Variants in TTC17 observed in about 807,000 individuals in gnomAD.
The protein encoded by TTC17 is tetratricopeptide repeat protein 17.
Under a neutral mutation model 143.8 loss-of-function variants are expected in TTC17, and 58 were observed. The observed-to-expected ratio is 0.40, with a 90% CI of 0.33 to 0.50. The LOEUF (loss-of-function observed/expected upper bound fraction) is 0.50, where lower values mean the gene tolerates loss of function less well. Among genes scored for constraint, TTC17 ranks in the 20% least tolerant of loss-of-function variants. TTC17 has a pLI of 0.49. For synonymous variants in TTC17, 501 were observed against 497.8 expected, an observed-to-expected ratio of 1.01 and a Z score of -0.09; for missense variants, 1,273 against 1,392.5, an observed-to-expected ratio of 0.91 and a Z score of 1.37.
At chr11:43,451,301 C>T (rs1395150310) in intron 21 of TTC17, 36 bp downstream of exon 21, 1 of 1,585,670 alleles carries the variant, frequency 6.3e-7, no homozygotes, top group Admixed American at 1.7e-5. Flanking sequence ...AAACAATTGC[C>T]CTCCTTCTAA....
chr11:43,455,287 A>C (rs1053349805), intron 21 of TTC17, among the ~76,000 whole-genome samples: 6 of 151,952 alleles, frequency 3.9e-5, no homozygotes, highest in African/African-American at 1.2e-4. Context: ...GTGTCAGTAA[A>C]AATGAAAAAT....
At chr11:43,454,356 C>A (rs1445671343) in intron 21 of TTC17, among the ~76,000 whole-genome samples, 1 of 152,020 alleles carries the variant, frequency 6.6e-6, no homozygotes, top group Non-Finnish European at 1.5e-5. Context: ...TCTATAGATA[C>A]AATACAAGCC....
intron 3 of TTC17, among the ~76,000 whole-genome samples, chr11:43,391,046 G>C (rs1365506415): frequency 6.6e-6 from 1 of 152,160 alleles, no homozygotes; most frequent in African/African-American, 2.4e-5. Context: ...TATGAATATT[G>C]ACTAACAATT....
intron 16 of TTC17, among the ~76,000 whole-genome samples, chr11:43,428,850 T>G (rs376941627): frequency 6.6e-6 from 1 of 152,234 alleles, no homozygotes; most frequent in East Asian, 1.9e-4. Flanking sequence ...TGTAAACTCT[T>G]CTGACTTAAT....
chr11:43,447,619 A>G, intron 18 of TTC17: 1 of 167,376 alleles, frequency 6.0e-6, no homozygotes, highest in South Asian at 1.5e-4. Context: ...AGGTTGAGAA[A>G]CCCTGCTTTA....
chr11:43,456,297 T>G (rs1947762284), intron 21 of TTC17, among the ~76,000 whole-genome samples: 1 of 152,038 alleles, frequency 6.6e-6, no homozygotes, highest in African/African-American at 2.4e-5. Flanking sequence ...GAATGTCCAC[T>G]CTATCTACTA....
intron 21 of TTC17, among the ~76,000 whole-genome samples, chr11:43,461,393 A>G (rs1947864358): frequency 7.2e-6 from 1 of 138,796 alleles, no homozygotes; most frequent in Admixed American, 7.0e-5. Flanking sequence ...TCCGTCTCAA[A>G]AAAAAAAAAA....
intron 16 of TTC17, chr11:43,436,375 C>A (rs1590416736): frequency 2.4e-6 from 3 of 1,240,448 alleles, no homozygotes; most frequent in South Asian, 7.7e-5. Context: ...GGGGAAAAAT[C>A]AACTCTCAAG....
In TTC17 at chr11:43,365,440, TG is replaced by T. The variant is rs1282538394; in HGVS notation, c.159+6328del. ...AGTGCCACCACACCCAGCTAATTTT[TG>T]TATTTTTTGTAGAGACGGGGTTTTG... On this transcript the variant is annotated intron_variant, in intron 1 of 23. Coordinates refer to ENST00000039989, the MANE Select transcript of TTC17 (RefSeq NM_018259.6). Among the ~76,000 whole-genome samples, 3 of 152,242 alleles carry T rather than the reference TG, an allele frequency of 2.0e-5. No individual in the cohort carries two copies. The East Asian group carries it at 5.8e-4, about 29-fold the overall frequency.
intron 21 of TTC17, among the ~76,000 whole-genome samples, chr11:43,479,492 A>G (rs1948246759): frequency 6.6e-6 from 1 of 152,212 alleles, no homozygotes; most frequent in Admixed American, 6.5e-5. Context: ...CTGAAATATT[A>G]TAGAGACAAG....
chr11:43,477,871 A>G (rs1948214231), intron 21 of TTC17, among the ~76,000 whole-genome samples: 1 of 152,190 alleles, frequency 6.6e-6, no homozygotes, highest in Non-Finnish European at 1.5e-5. Context: ...GAATATTACG[A>G]TTAATAAACT....
At chr11:43,385,985 C>T (rs1159099243) in intron 2 of TTC17, among the ~76,000 whole-genome samples, 1 of 151,364 alleles carries the variant, frequency 6.6e-6, no homozygotes, top group Non-Finnish European at 1.5e-5. Context: ...ATTTTTTAAA[C>T]TAAAGACATA....
rs1454508267 is a variant in TTC17, at chr11:43,414,642, G to A, written c.2117G>A (p.Ser706Asn). The change falls in exon 16 of 24, where the codon AGT becomes AAT. Residue 706 changes from serine to asparagine, a missense_variant. By Grantham distance (46) the Ser-to-Asn change is conservative. Coordinates refer to ENST00000039989, the MANE Select transcript of TTC17 (RefSeq NM_018259.6). ...GCTTACCTTGCTCTGAAGAATATCA[G>A]TGGGGCACTTGAGGCCTTTAGACAG... ...GNAYLALKNI[S>N]GALEAFRQAL... 6.2e-7 allele frequency: 1 copy of A among 1,613,618 alleles called. No individual in the cohort carries two copies. Among genetic ancestry groups the A allele is most frequent in the East Asian group, 2.2e-5 (1 of 44,860 alleles).
At position 43,435,915 on chromosome 11, in the gene TTC17, T is replaced by C. The variant is rs11037437; in HGVS notation, c.2252-7410T>C. 2.3e-3 allele frequency among the ~76,000 whole-genome samples: 350 copies of C among 152,352 alleles called. 4 individuals are homozygous for C. The East Asian group carries it at 0.027, about 12-fold the overall frequency. ...AGGTCTTGGGGCTTGATCTTTGTTG[T>C]TACAGTTGTTTTTCTCCTCCTAAAT... On this transcript the variant is annotated intron_variant, in intron 16 of 23. Transcript: ENST00000039989.
At chr11:43,459,115 T>TA (rs1947817690) in intron 21 of TTC17, among the ~76,000 whole-genome samples, 1 of 151,920 alleles carries the variant, frequency 6.6e-6, no homozygotes, top group Admixed American at 6.6e-5. Flanking sequence ...ACCTATGAAT[T>TA]AAAAAAAAGT....
At chr11:43,412,426 C>T (rs12291725) in intron 15 of TTC17, among the ~76,000 whole-genome samples, 8,902 of 152,082 alleles carry the variant, frequency 0.059, 286 homozygotes, top group African/African-American at 0.093. Context: ...AGTTCCAGAC[C>T]AGCCTGGGCA....
chr11:43,445,868 C>T (rs1218479585), intron 18 of TTC17: 2 of 772,858 alleles, frequency 2.6e-6, no homozygotes, highest in Admixed American at 2.0e-5. Context: ...CATTAAGAGC[C>T]ATTGTAGATT....
intron 16 of TTC17, chr11:43,436,453 C>A: frequency 1.1e-6 from 1 of 950,484 alleles, no homozygotes; most frequent in Non-Finnish European, 1.4e-6. Context: ...TATATTGTAG[C>A]ATCATGAGGG....
At chr11:43,371,665 A>G (rs1182508840) in intron 1 of TTC17, among the ~76,000 whole-genome samples, 1 of 152,086 alleles carries the variant, frequency 6.6e-6, no homozygotes, top group African/African-American at 2.4e-5. Flanking sequence ...TTCTCTCACC[A>G]GAGGTTAAGG....
Sources: allele counts gnomAD v4.1 joint callset (sites outside exome capture counted in the v4.1 genomes callset), GRCh38; gene constraint gnomAD v4.1.1; transcripts MANE v1.5; gene names NCBI Gene and HGNC (gene_info 2026-07-23, HGNC 2026-07-21).